Variants in CFAP157 observed in about 807,000 individuals in gnomAD.
CFAP157 encodes cilia- and flagella-associated protein 157.
Under a neutral mutation model 57.8 loss-of-function variants are expected in CFAP157, and 43 were observed. That is an observed-to-expected ratio of 0.74 (90% CI 0.58 to 0.96). CFAP157 has a LOEUF of 0.96. Ranked by LOEUF, CFAP157 falls within the 40% of genes least tolerant of loss-of-function variation. The pLI is 0.00. For synonymous variants in CFAP157, 267 were observed against 269.0 expected, an observed-to-expected ratio of 0.99 and a Z score of 0.07; for missense variants, 606 against 655.3, an observed-to-expected ratio of 0.92 and a Z score of 0.82.
Position 127,714,680 on chromosome 9 carries a change from G to C in CFAP157, c.*775G>C, listed in dbSNP as rs1272226329. ...CATCATGCACCAGGTAGACTTCCTC[G>C]GCAGTCAGCCCAAACAGCTCCGCTT... On this transcript the variant is annotated 3_prime_UTR_variant, in exon 9 of 9. Coordinates refer to ENST00000373295, the MANE Select transcript of CFAP157 (RefSeq NM_001012502.3). 1.2e-6 allele frequency: 2 copies of C among 1,613,276 alleles called. No individual in the cohort carries two copies. Among genetic ancestry groups the C allele is most frequent in the Non-Finnish European group, 1.7e-6 (2 of 1,179,658 alleles).
rs1842869138 is a variant in CFAP157, at chr9:127,714,538, C to A, written c.*633C>A. 9.4e-6 allele frequency: 15 copies of A among 1,590,422 alleles called. No individual in the cohort carries two copies. Among genetic ancestry groups the A allele is most frequent in the Non-Finnish European group, 1.3e-5 (15 of 1,158,990 alleles). The stretch of plus-strand genomic sequence containing the variant: ...TTTCCTGTGGAGACTGGGTCAGCAG[C>A]CCTACTCCACCCCAACTGGGAGGCC... On this transcript the variant is annotated 3_prime_UTR_variant, in exon 9 of 9. Coordinates refer to ENST00000373295, the MANE Select transcript of CFAP157 (RefSeq NM_001012502.3).
chr9:127,710,252 C>T (rs1253347998), intron 2 of CFAP157, among the ~76,000 whole-genome samples: 2 of 145,488 alleles, frequency 1.4e-5, no homozygotes, highest in East Asian at 2.0e-4. Flanking sequence ...CACTGCACTC[C>T]AGCCTGAGTG....
intron 1 of CFAP157, 103 bp downstream of exon 1, chr9:127,707,295 AC>A: frequency 7.7e-7 from 1 of 1,293,398 alleles, no homozygotes; most frequent in Admixed American, 2.2e-5. Flanking sequence ...CTGTGTTCTG[AC>A]CTCCCCTGGG....
intron 1 of CFAP157, among the ~76,000 whole-genome samples, chr9:127,707,479 C>T (rs1356341293): frequency 1.3e-5 from 2 of 152,140 alleles, no homozygotes; most frequent in Non-Finnish European, 2.9e-5. Flanking sequence ...CTGCCTCACT[C>T]CTGCCCCATG....
chr9:127,710,921 G>A (rs1404378777), intron 3 of CFAP157, among the ~76,000 whole-genome samples, 167 bp downstream of exon 3: 1 of 152,180 alleles, frequency 6.6e-6, no homozygotes, highest in Non-Finnish European at 1.5e-5. Flanking sequence ...TTATGGAGGG[G>A]TGGGAGAAAA....
chr9:127,715,616 G>C lies in CFAP157; in HGVS notation c.*1711G>C, dbSNP rs780239843. On this transcript the variant is annotated 3_prime_UTR_variant, in exon 9 of 9. Coordinates refer to ENST00000373295, the MANE Select transcript of CFAP157 (RefSeq NM_001012502.3). This position sits in a 1 kb window ranked among gnomAD's most constrained non-coding sequence, Gnocchi z 5.8. Reference sequence around the variant, plus strand: ...TGGCTCTACTCAGCCGCTGTCCGGCGCCCAAAAAGCCGCCCGGCCTCATGC... The same window carrying C: ...TGGCTCTACTCAGCCGCTGTCCGGCCCCCAAAAAGCCGCCCGGCCTCATGC... 2 of 1,612,640 alleles carry C rather than the reference G, an allele frequency of 1.2e-6. No homozygotes were observed. Among genetic ancestry groups the C allele is most frequent in the East Asian group, 4.5e-5 (2 of 44,878 alleles).
chr9:127,710,349 G>C (rs971560409), intron 2 of CFAP157, among the ~76,000 whole-genome samples: 3 of 152,046 alleles, frequency 2.0e-5, no homozygotes, highest in Non-Finnish European at 4.4e-5. Context: ...ATCAAGGAAG[G>C]CTTCTTGGAG....
At chr9:127,712,656 G>C (rs781021008) in intron 6 of CFAP157, 53 bp from the exon 7 acceptor site, 1 of 1,613,606 alleles carries the variant, frequency 6.2e-7, no homozygotes, top group African/African-American at 1.3e-5. Flanking sequence ...TCCTGGACGA[G>C]GGTGGGTACT....
chr9:127,711,327 A>C lies in CFAP157; in HGVS notation c.686A>C (p.Lys229Thr). 2 of 1,614,208 alleles carry C rather than the reference A, an allele frequency of 1.2e-6. No individual in the cohort carries two copies. Among genetic ancestry groups the C allele is most frequent in the Non-Finnish European group, 1.7e-6 (2 of 1,180,034 alleles). Residue 229 changes from lysine to threonine, a missense_variant, in exon 4 of 9, where the codon AAA becomes ACA. By Grantham distance (78) the Lys-to-Thr change is moderately conservative. Transcript: ENST00000373295. ...TGGGAGACAACCAAGCGGGCCATCA[A>C]AGAGAACAACGGCATTACCCTGCAG... is the stretch of plus-strand genomic sequence containing the variant. ...RMWETTKRAI[K>T]ENNGITLQMA... is the part of the protein sequence containing the mutation.
Position 127,715,799 on chromosome 9 carries a change from T to C in CFAP157, c.*1894T>C, listed in dbSNP as rs755929361. On this transcript the variant is annotated 3_prime_UTR_variant, in exon 9 of 9. Coordinates refer to ENST00000373295, the MANE Select transcript of CFAP157 (RefSeq NM_001012502.3). This position sits in a 1 kb window ranked among gnomAD's most constrained non-coding sequence, Gnocchi z 5.8. Reference sequence around the variant, plus strand: ...CGGAAGCGGCGAGGCGGTGGCCGAGTCCGGGAACCCAGGCGCCTTCAGTAG... The same window carrying C: ...CGGAAGCGGCGAGGCGGTGGCCGAGCCCGGGAACCCAGGCGCCTTCAGTAG... The C allele has an allele frequency of 7.1e-6, 10 of 1,416,928 alleles. No homozygotes were observed. Among genetic ancestry groups the C allele is most frequent in the African/African-American group, 2.9e-5 (2 of 68,874 alleles). 87.8% of individuals were successfully genotyped at this position (1,416,928 alleles called of 1,614,324 possible). A position where few individuals can be genotyped will look rare whatever the true frequency, so the allele number is the denominator to read the frequency against.
Position 127,710,646 on chromosome 9 carries a change from A to T in CFAP157, c.479A>T (p.Glu160Val), listed in dbSNP as rs915256378. The change falls in exon 3 of 9, where the codon GAG becomes GTG. Residue 160 changes from glutamate to valine, a missense_variant. Glu to Val is a moderately radical substitution (Grantham distance 121). Coordinates refer to ENST00000373295, the MANE Select transcript of CFAP157 (RefSeq NM_001012502.3). ...GAGGAGTTCCGGCTGCAGAAAGAGG[A>T]GGTCACGGACAAGTTCACATTGCTG... ...ALEEFRLQKEEVTDKFTLLEE... is the reference protein window; with the variant it reads ...ALEEFRLQKEVVTDKFTLLEE... The T allele has an allele frequency of 3.1e-6, 5 of 1,587,336 alleles. No individual in the cohort carries two copies. The South Asian group carries it at 3.4e-5, about 11-fold the overall frequency.
chr9:127,714,918 G>GGGGGGGCCCCCCCCCCCCCCCC lies in CFAP157; in HGVS notation c.*1013_*1014insGGGGGGCCCCCCCCCCCCCCCC. 1 of 398,848 alleles carries GGGGGGGCCCCCCCCCCCCCCCC rather than the reference G, an allele frequency of 2.5e-6. No individual in the cohort carries two copies. The highest frequency in any genetic ancestry group is 2.2e-5 in the South Asian group (1 of 45,380). 24.7% of individuals were successfully genotyped at this position (398,848 alleles called of 1,614,324 possible). A position where few individuals can be genotyped will look rare whatever the true frequency, so the allele number is the denominator to read the frequency against. On this transcript the variant is annotated 3_prime_UTR_variant, in exon 9 of 9. Transcript: ENST00000373295. ...CAGCCAGTGCTCCCCTCTGGCCCCC[G>GGGGGGGCCCCCCCCCCCCCCCC]CGCCCCAACCCCCACCCCCTTGGCC...
Position 127,709,617 on chromosome 9 carries a change from C to T in CFAP157, c.357C>T (p.Phe119=), listed in dbSNP as rs759381444. ...CCAAAGAGATGGAGAAGGATGCCTT[C>T]GAGGCGCAGCTGGCCCAGGTGCGCC... ...QLAKEMEKDA[F]EAQLAQVRHE... is the part of the protein sequence containing the mutation. Residue 119 remains phenylalanine, a synonymous_variant, in exon 2 of 9, where the codon TTC becomes TTT. Transcript: ENST00000373295. The surrounding 1 kb of genome is among the most constrained non-coding windows in gnomAD (Gnocchi z 4.7). 79 of 1,613,790 alleles carry T rather than the reference C, an allele frequency of 4.9e-5. No individual in the cohort carries two copies. Among genetic ancestry groups the T allele is most frequent in the Middle Eastern group, 1.6e-4 (1 of 6,084 alleles).
chr9:127,709,118 C>A lies in CFAP157; in HGVS notation c.162-304C>A, dbSNP rs1842707230. 6.6e-6 allele frequency among the ~76,000 whole-genome samples: 1 copy of A among 152,218 alleles called. No individual in the cohort carries two copies. ...GGTTGTTGTAATGATTTAACAAACA[C>A]ACTGCACACCTGCTATCTGCCAGGC... On this transcript the variant is annotated intron_variant, in intron 1 of 8. Coordinates refer to ENST00000373295, the MANE Select transcript of CFAP157 (RefSeq NM_001012502.3). This position sits in a 1 kb window ranked among gnomAD's most constrained non-coding sequence, Gnocchi z 4.7.
chr9:127,713,478 T>TTCCAAGCCA, intron 8 of CFAP157: 1 of 404,706 alleles, frequency 2.5e-6, no homozygotes, highest in South Asian at 4.8e-5. Context: ...AGGCCTCAGC[T>TTCCAAGCCA]TCCAAGCCAG....
chr9:127,713,175 T>G lies in CFAP157; in HGVS notation c.1460T>G (p.Val487Gly), dbSNP rs1842808386. 1.3e-6 allele frequency: 2 copies of G among 1,576,488 alleles called. No individual in the cohort carries two copies. The highest frequency in any genetic ancestry group is 1.7e-6 in the Non-Finnish European group (2 of 1,161,234). Residue 487 changes from valine to glycine, a missense_variant, in exon 8 of 9, where the codon GTG becomes GGG. Transcript: ENST00000373295. ...AGGCTGCTGTCATATATCACCCGTG[T>G]GGGGACCTTCCGGGCACACAGCAGC... ...DLRLLSYITRVGTFRAHSSPE... is the reference protein window; with the variant it reads ...DLRLLSYITRGGTFRAHSSPE...
Position 127,715,291 on chromosome 9 carries a change from G to C in CFAP157, c.*1386G>C. On this transcript the variant is annotated 3_prime_UTR_variant, in exon 9 of 9. Coordinates refer to ENST00000373295, the MANE Select transcript of CFAP157 (RefSeq NM_001012502.3). The surrounding 1 kb of genome is among the most constrained non-coding windows in gnomAD (Gnocchi z 5.8). The stretch of plus-strand genomic sequence containing the variant: ...CCCAACGCAGAGGAGCGGAAACGCA[G>C]AGCAACGCTGCAGTGGGGAAGGGGC... The C allele has an allele frequency of 2.9e-6, 4 of 1,390,056 alleles. No homozygotes were observed. The highest frequency in any genetic ancestry group is 2.0e-6 in the Non-Finnish European group (2 of 1,013,714). 86.1% of individuals were successfully genotyped at this position (1,390,056 alleles called of 1,614,324 possible).
In CFAP157 at chr9:127,714,489, C is replaced by A. The variant is rs900718513; in HGVS notation, c.*584C>A. 6.2e-6 allele frequency: 10 copies of A among 1,605,822 alleles called. No homozygotes were observed. Among genetic ancestry groups the A allele is most frequent in the Non-Finnish European group, 8.5e-6 (10 of 1,172,732 alleles). ...GGCAGTGTCCTTCCACCCCTCCCTGCCCCGGCTGGGTCAGAGCAGCCCATT... is the reference window on the plus strand; with the variant it reads ...GGCAGTGTCCTTCCACCCCTCCCTGACCCGGCTGGGTCAGAGCAGCCCATT... On this transcript the variant is annotated 3_prime_UTR_variant, in exon 9 of 9. Coordinates refer to ENST00000373295, the MANE Select transcript of CFAP157 (RefSeq NM_001012502.3).
intron 4 of CFAP157, 97 bp downstream of exon 4, chr9:127,711,593 G>A (rs1842766301): frequency 1.4e-6 from 2 of 1,457,858 alleles, no homozygotes; most frequent in African/African-American, 1.4e-5. Flanking sequence ...GTCAAGTCAG[G>A]AGGGAGGGAG....
Sources: gnomAD v4.1 joint callset for allele counts (sites outside exome capture counted in the v4.1 genomes callset) on GRCh38, gnomAD v4.1.1 for gene constraint, Gnocchi (gnomAD v3.1) non-coding constraint, MANE v1.5 for transcripts, NCBI Gene and HGNC (gene_info 2026-07-23, HGNC 2026-07-21) for gene names.